Variants in FCN3 observed in about 807,000 individuals in gnomAD.
The protein encoded by FCN3 is ficolin-3.
Under a neutral mutation model 31.5 loss-of-function variants are expected in FCN3, and 28 were observed. The ratio of observed to expected loss-of-function variants is 0.89; its 90% CI spans 0.66 to 1.22. The LOEUF is 1.22. Ranked by LOEUF, FCN3 falls within the 50% of genes most tolerant of loss-of-function variation. The pLI is 0.00. For missense variants in FCN3, 351 were observed against 386.8 expected (o/e 0.91, Z 0.78); for synonymous variants, 124 against 147.4 (o/e 0.84, Z 1.15).
At chr1:27,374,580 T>C in intron 1 of FCN3, 129 bp from the exon 2 acceptor site, 1 of 775,612 alleles carries the variant, frequency 1.3e-6, no homozygotes, top group Non-Finnish European at 2.1e-6. Context: ...AGGTTTCGTG[T>C]GCTTTGCATC....
chr1:27,371,474 G>A (rs2016144909), intron 5 of FCN3, among the ~76,000 whole-genome samples: 2 of 152,144 alleles, frequency 1.3e-5, no homozygotes, highest in Non-Finnish European at 2.9e-5. Flanking sequence ...TACTCAGGAG[G>A]CTGAGGCACA....
chr1:27,370,935 A>G lies in FCN3; in HGVS notation c.431T>C (p.Phe144Ser). Residue 144 changes from phenylalanine to serine, a missense_variant, in exon 6 of 8, where the codon TTC (phenylalanine) becomes TCC (serine). Physicochemically the swap from Phe to Ser is radical, Grantham distance 155 (BLOSUM62 -2). Transcript: ENST00000270879. Reference protein sequence around the residue: ...QRRQDGSVDFFRSWSSYRAGF... With the variant: ...QRRQDGSVDFSRSWSSYRAGF... ...TGCTCTGTAGGAGGACCAAGAGCGG[A>G]AGAAATCCACAGAACCATCCTGGCG... The G allele has an allele frequency of 6.2e-7, 1 of 1,613,668 alleles. No individual in the cohort carries two copies. Among genetic ancestry groups the G allele is most frequent in the African/African-American group, 1.3e-5 (1 of 75,008 alleles).
Position 27,369,438 on chromosome 1 carries a change from G to C in FCN3, c.698C>G (p.Thr233Ser), listed in dbSNP as rs776423358. 1 of 1,614,184 alleles carries C rather than the reference G, an allele frequency of 6.2e-7. No homozygotes were observed. The highest frequency in any genetic ancestry group is 1.3e-5 in the African/African-American group (1 of 75,054). The part of the protein sequence containing the change: ...LSLHSGRPFT[T>S]YDADHDSSNS... Reference sequence around the variant, plus strand: ...GCTTGAATCGTGGTCAGCGTCATAGGTGGTAAAGGGCCTCCCACTGTGGAG... The same window carrying C: ...GCTTGAATCGTGGTCAGCGTCATAGCTGGTAAAGGGCCTCCCACTGTGGAG... The change falls in exon 8 of 8, where the codon ACC becomes AGC. Residue 233 changes from threonine (T) to serine (S), a missense_variant. Thr to Ser is a moderately conservative substitution (Grantham distance 58, BLOSUM62 1). Transcript: ENST00000270879.
At chr1:27,372,000 A>T (rs541420186) in intron 5 of FCN3, among the ~76,000 whole-genome samples, 3 of 151,738 alleles carry the variant, frequency 2.0e-5, no homozygotes, top group South Asian at 2.1e-4. Context: ...AGCTCAGGCA[A>T]TCCACCCACC....
Position 27,374,442 on chromosome 1 carries a change from T to C in FCN3, c.101A>G (p.Glu34Gly). ...GAGGACAACTTTGCTGGCTTCCAGT[T>C]CCCTGGGTCCTACAGGGAGACACAG... ...QEHPSCPGPR[E>G]LEASKVVLLP... is the part of the protein sequence containing the mutation. Residue 34 changes from glutamate (E) to glycine (G), a missense_variant, in exon 2 of 8, where the codon GAA becomes GGA. Glu to Gly is a moderately conservative substitution (Grantham distance 98). Coordinates refer to ENST00000270879, the MANE Select transcript of FCN3 (RefSeq NM_003665.4). 2.5e-6 allele frequency: 4 copies of C among 1,613,136 alleles called. No individual in the cohort carries two copies. Among genetic ancestry groups the C allele is most frequent in the Non-Finnish European group, 3.4e-6 (4 of 1,179,278 alleles).
At chr1:27,372,201 C>G (rs561633816) in intron 5 of FCN3, among the ~76,000 whole-genome samples, 1 of 152,022 alleles carries the variant, frequency 6.6e-6, no homozygotes, top group Admixed American at 6.6e-5. Flanking sequence ...TGGCCCCTCC[C>G]CTGCTTAAAA....
At position 27,374,007 on chromosome 1, in the gene FCN3, G is replaced by A; in HGVS notation, c.190C>T (p.Pro64Ser). 3 of 1,613,508 alleles carry A rather than the reference G, an allele frequency of 1.9e-6. No homozygotes were observed. The highest frequency in any genetic ancestry group is 2.5e-6 in the Non-Finnish European group (3 of 1,179,870). The part of the protein sequence containing the change: ...GEKGAPGPQG[P>S]PGPPGKMGPK... Reference sequence around the variant, plus strand: ...CCCATCTTGCCTGGTGGTCCAGGTGGCCCTGAAATCACAAAGGCAGAGATT... The same window carrying A: ...CCCATCTTGCCTGGTGGTCCAGGTGACCCTGAAATCACAAAGGCAGAGATT... Residue 64 changes from proline to serine, a missense_variant and splice_region_variant, in exon 3 of 8, where the codon CCA (proline) becomes TCA (serine). Transcript: ENST00000270879.
rs751241684 is a variant in FCN3 at position 27,370,576 on chromosome 1, C to T, written c.658+20G>A. 5.7e-5 allele frequency: 92 copies of T among 1,608,720 alleles called. 1 individual carries two copies. In the South Asian group the frequency reaches 7.6e-4, roughly 13 times the overall value. On this transcript the variant is annotated intron_variant, in intron 7 of 7. Transcript: ENST00000270879. The stretch of plus-strand genomic sequence containing the variant: ...GAAAGGATCCAGCCTCCTTCCTCTG[C>T]TCCCCTTAGGCTCACTCACCTGCAG...
At chr1:27,373,366 T>C in intron 4 of FCN3, 103 bp from the exon 5 acceptor site, 1 of 1,595,898 alleles carries the variant, frequency 6.3e-7, no homozygotes, top group Non-Finnish European at 8.6e-7. Context: ...TCTTGGCTCC[T>C]TCAGGTCCCT....
chr1:27,372,773 A>ATTTTTTTTT lies in FCN3; in HGVS notation c.393+354_393+362dup, dbSNP rs71010351. Among the ~76,000 whole-genome samples, 27 of 96,440 alleles carry ATTTTTTTTT rather than the reference A, an allele frequency of 2.8e-4. 3 individuals are homozygous for ATTTTTTTTT. Among genetic ancestry groups the ATTTTTTTTT allele is most frequent in the South Asian group, 7.2e-4 (2 of 2,786 alleles). The allele number at this position is 96,440 out of a possible 152,430, so 63.3% of individuals were successfully genotyped here. On this transcript the variant is annotated intron_variant, in intron 5 of 7. Transcript: ENST00000270879. The stretch of plus-strand genomic sequence containing the variant: ...TAGCTGGAATGCCCCTCCCTACCCT[A>ATTTTTTTTT]TTTTTTTTTTTTTTTTTTTTTGAGA...
intron 5 of FCN3, among the ~76,000 whole-genome samples, chr1:27,372,247 CTTTT>C (rs559771616): frequency 7.3e-6 from 1 of 136,400 alleles, no homozygotes; most frequent in Non-Finnish European, 1.6e-5. Context: ...GCACACTCTT[CTTTT>C]TTTTTTTTTT....
At position 27,374,769 on chromosome 1, in the gene FCN3, C is replaced by G; in HGVS notation, c.50G>C (p.Gly17Ala). 1.4e-6 allele frequency: 2 copies of G among 1,388,750 alleles called. No homozygotes were observed. The highest frequency in any genetic ancestry group is 1.9e-6 in the Non-Finnish European group (2 of 1,065,872). 86.0% of individuals were successfully genotyped at this position (1,388,750 alleles called of 1,614,324 possible). A position where few individuals can be genotyped will look rare whatever the true frequency, so the allele number is the denominator to read the frequency against. ...LPSLWLLLLG[G>A]PACLKTQEHP... is the part of the protein sequence containing the mutation. ...TTCCTGGGTCTTCAGGCAGGCAGGC[C>G]CCCCAAGCAGGAGAAGCCACAGGGA... The change falls in exon 1 of 8, where the codon GGG (glycine) becomes GCG (alanine). Residue 17 changes from glycine (G) to alanine (A), a missense_variant. Physicochemically the swap from Gly to Ala is moderately conservative, Grantham distance 60. Coordinates refer to ENST00000270879, the MANE Select transcript of FCN3 (RefSeq NM_003665.4).
chr1:27,369,440 G>A lies in FCN3; in HGVS notation c.696C>T (p.Thr232=). The A allele has an allele frequency of 6.2e-7, 1 of 1,614,162 alleles. No individual in the cohort carries two copies. The highest frequency in any genetic ancestry group is 8.5e-7 in the Non-Finnish European group (1 of 1,179,998). ...TTGAATCGTGGTCAGCGTCATAGGT[G>A]GTAAAGGGCCTCCCACTGTGGAGGC... The part of the protein sequence containing the change: ...SLSLHSGRPF[T]TYDADHDSSN... The change falls in exon 8 of 8, where the codon ACC becomes ACT. Residue 232 remains threonine, a synonymous_variant. Transcript: ENST00000270879.
chr1:27,372,302 C>CAGTG (rs1455849165), intron 5 of FCN3, among the ~76,000 whole-genome samples: 3 of 150,782 alleles, frequency 2.0e-5, no homozygotes, highest in African/African-American at 7.3e-5. Context: ...GGCTGGAGTG[C>CAGTG]AGTGACTCAA....
In FCN3 at chr1:27,373,711, AACCCTG is replaced by A. The variant is rs2016194548; in HGVS notation, c.233-197_233-192del. On this transcript the variant is annotated intron_variant, in intron 3 of 7. Transcript: ENST00000270879. The stretch of plus-strand genomic sequence containing the variant: ...CCTCTCCACTCCTCCCAGCCTTCCA[AACCCTG>A]TAGGAGGGCCTTCATAGGGTACCCA... The A allele has an allele frequency of 8.1e-6, 5 of 614,012 alleles. No individual in the cohort carries two copies. In the African/African-American group the frequency reaches 1.3e-4, roughly 17 times the overall value. 38.0% of individuals were successfully genotyped at this position (614,012 alleles called of 1,614,324 possible).
At chr1:27,372,801 G>A (rs1481321508) in intron 5 of FCN3, among the ~76,000 whole-genome samples, 1 of 77,676 alleles carries the variant, frequency 1.3e-5, no homozygotes, top group Non-Finnish European at 2.9e-5. Context: ...TTTTGAGACA[G>A]AGTTTCACTC....
Position 27,370,714 on chromosome 1 carries a change from C to T in FCN3, c.540G>A (p.Arg180=). Residue 180 remains arginine, a synonymous_variant, in exon 7 of 8, where the codon CGG becomes CGA. Coordinates refer to ENST00000270879, the MANE Select transcript of FCN3 (RefSeq NM_003665.4). The part of the protein sequence containing the change: ...QLTLQGNWEL[R]VELEDFNGNR... ...TACCATTAAAGTCTTCCAGCTCTAC[C>T]CGCAGCTCCCAGTTACCTGGAAAGA... is the stretch of plus-strand genomic sequence containing the variant. 6.2e-7 allele frequency: 1 copy of T among 1,614,206 alleles called. No homozygotes were observed. The highest frequency in any genetic ancestry group is 1.3e-5 in the African/African-American group (1 of 75,062).
At chr1:27,373,839 T>C in intron 3 of FCN3, 126 bp downstream of exon 3, 1 of 856,978 alleles carries the variant, frequency 1.2e-6, no homozygotes, top group South Asian at 1.6e-5. Flanking sequence ...TCCTTCCCAC[T>C]CCTCCCAGCC....
chr1:27,374,230 C>T, intron 2 of FCN3, 126 bp downstream of exon 2: 1 of 753,618 alleles, frequency 1.3e-6, no homozygotes, highest in Non-Finnish European at 2.2e-6. Context: ...GCCGGGTGCC[C>T]AGCCTGGAGC....
Sources: allele counts gnomAD v4.1 joint callset (sites outside exome capture counted in the v4.1 genomes callset), GRCh38; gene constraint gnomAD v4.1.1; transcripts MANE v1.5; gene names NCBI Gene and HGNC (gene_info 2026-07-23, HGNC 2026-07-21).